Variants in SORCS2 observed in about 807,000 individuals in gnomAD.
The protein encoded by SORCS2 is sortilin related VPS10 domain containing receptor 2.
A neutral mutation model predicts 141.6 loss-of-function variants in SORCS2; 100 were observed. That is an observed-to-expected ratio of 0.71 (90% CI 0.60 to 0.83). The LOEUF (loss-of-function observed/expected upper bound fraction) is 0.83. Among genes scored for constraint, SORCS2 ranks in the 40% least tolerant of loss-of-function variants. The pLI, the probability that SORCS2 is intolerant of heterozygous loss-of-function variation, is 0.00. For synonymous variants in SORCS2, 789 were observed against 676.9 expected (o/e 1.17, Z -2.57); for missense variants, 1,646 against 1,560.2 (o/e 1.05, Z -0.93).
chr4:7,498,176 C>G (rs1232744996), intron 2 of SORCS2, among the ~76,000 whole-genome samples: 5 of 152,198 alleles, frequency 3.3e-5, no homozygotes, highest in South Asian at 4.1e-4. Flanking sequence ...CTAGTCCTCC[C>G]TTAGCCAGTG....
intron 2 of SORCS2, among the ~76,000 whole-genome samples, chr4:7,417,265 T>C (rs1725761914): frequency 6.6e-6 from 1 of 151,908 alleles, no homozygotes; most frequent in South Asian, 2.1e-4. Context: ...TTTATAAGGG[T>C]CCTTGTGGAG....
At chr4:7,210,382 C>G (rs183528448) in intron 1 of SORCS2, among the ~76,000 whole-genome samples, 1 of 152,246 alleles carries the variant, frequency 6.6e-6, no homozygotes, top group Non-Finnish European at 1.5e-5. Context: ...CCTGGGCTCA[C>G]GCCCTCCTCC....
At chr4:7,256,618 G>A (rs1394014112) in intron 1 of SORCS2, among the ~76,000 whole-genome samples, 4 of 151,654 alleles carry the variant, frequency 2.6e-5, no homozygotes, top group East Asian at 1.9e-4. Flanking sequence ...CCTCCGGCTC[G>A]GAGCCCGGGA....
At chr4:7,529,154 C>T (rs569463654) in intron 2 of SORCS2, among the ~76,000 whole-genome samples, 13 of 152,122 alleles carry the variant, frequency 8.5e-5, no homozygotes, top group Admixed American at 2.0e-4. Flanking sequence ...TACTCAAGCC[C>T]GTCCAAATGC....
In SORCS2 at chr4:7,733,584, G is replaced by A. The variant is rs2285774; in HGVS notation, c.3208+163G>A. On this transcript the variant is annotated intron_variant, in intron 24 of 26. Coordinates refer to ENST00000507866, the MANE Select transcript of SORCS2 (RefSeq NM_020777.3). ...ACCCACCCAGGTCAGACGCAGGACC[G>A]CGCTCTCCCTCTGCGGATGCCCCAT... Among the ~76,000 whole-genome samples the A allele has an allele frequency of 3.9e-5, 6 of 152,086 alleles. No individual in the cohort carries two copies. The East Asian group carries it at 9.8e-4, about 25-fold the overall frequency.
Position 7,724,631 on chromosome 4 carries a change from TGGTGATGGTGGA to T in SORCS2, c.2612-511_2612-500del, listed in dbSNP as rs1465285353. ...ATAGTGCTGGTGAGGATGGTGATGG[TGGTGATGGTGGA>T]GGTGATGGTGGTAGTTATGGTGATA... On this transcript the variant is annotated intron_variant, in intron 19 of 26. Coordinates refer to ENST00000507866, the MANE Select transcript of SORCS2 (RefSeq NM_020777.3). Among the ~76,000 whole-genome samples the T allele has an allele frequency of 7.6e-5, 11 of 145,268 alleles. 1 individual carries two copies. The highest frequency in any genetic ancestry group is 2.4e-4 in the African/African-American group (9 of 37,452).
At chr4:7,654,846 C>G (rs1343268834) in intron 5 of SORCS2, among the ~76,000 whole-genome samples, 9 of 152,178 alleles carry the variant, frequency 5.9e-5, no homozygotes, top group African/African-American at 2.2e-4. Flanking sequence ...AGGCTCCTGT[C>G]CCAGGCAGAG....
chr4:7,357,691 T>C (rs573852835), intron 1 of SORCS2, among the ~76,000 whole-genome samples: 91 of 152,168 alleles, frequency 6.0e-4, no homozygotes, highest in African/African-American at 1.9e-3. Flanking sequence ...CTTTCTTGGT[T>C]GAGAGGAGAG....
intron 3 of SORCS2, among the ~76,000 whole-genome samples, chr4:7,544,899 C>T (rs966014063): frequency 1.3e-5 from 2 of 152,140 alleles, no homozygotes; most frequent in African/African-American, 4.8e-5. Flanking sequence ...AGTGTGGAGC[C>T]CTGAGGAGGG....
At chr4:7,610,333 G>A (rs568541028) in intron 3 of SORCS2, among the ~76,000 whole-genome samples, 1 of 152,262 alleles carries the variant, frequency 6.6e-6, no homozygotes, top group South Asian at 2.1e-4. Context: ...TGAGGGACGA[G>A]GATGTGGGCT....
chr4:7,427,359 C>A (rs1356882922), intron 2 of SORCS2, among the ~76,000 whole-genome samples: 1 of 152,166 alleles, frequency 6.6e-6, no homozygotes, highest in Non-Finnish European at 1.5e-5. Flanking sequence ...CGGGCAAGAG[C>A]ACTGTCCCTC....
chr4:7,740,182 G>A lies in SORCS2; in HGVS notation c.3416-18G>A, dbSNP rs556148869. ...CCGGGCTTGTGCTCACGGGACCTGC[G>A]TCTCTTCTGTTTCCTAGGCAACCAC... On this transcript the variant is annotated intron_variant, in intron 26 of 26. Transcript: ENST00000507866. 22 of 1,602,268 alleles carry A rather than the reference G, an allele frequency of 1.4e-5. No homozygotes were observed. Among genetic ancestry groups the A allele is most frequent in the Middle Eastern group, 1.7e-4 (1 of 6,052 alleles).
chr4:7,655,013 C>A (rs1376456032), intron 5 of SORCS2, among the ~76,000 whole-genome samples: 1 of 152,188 alleles, frequency 6.6e-6, no homozygotes, highest in Non-Finnish European at 1.5e-5. Flanking sequence ...TCTATGAGGG[C>A]TGTGGAGGAT....
intron 2 of SORCS2, among the ~76,000 whole-genome samples, chr4:7,400,335 C>G (rs1178995819): frequency 6.6e-6 from 1 of 152,182 alleles, no homozygotes; most frequent in Non-Finnish European, 1.5e-5. Flanking sequence ...TCCTGCCCCC[C>G]ATTCAGTCTC....
intron 2 of SORCS2, among the ~76,000 whole-genome samples, chr4:7,516,236 G>T (rs1207173281): frequency 6.6e-6 from 1 of 152,154 alleles, no homozygotes; most frequent in Non-Finnish European, 1.5e-5. Context: ...GATGAGACAG[G>T]CGTCACAGGT....
intron 1 of SORCS2, among the ~76,000 whole-genome samples, chr4:7,319,031 T>G (rs964359134): frequency 1.3e-5 from 2 of 152,336 alleles, no homozygotes; most frequent in South Asian, 2.1e-4. Flanking sequence ...ATAATGCATT[T>G]GCAATTCATC....
chr4:7,507,968 A>T (rs1483203235), intron 2 of SORCS2, among the ~76,000 whole-genome samples: 1 of 149,380 alleles, frequency 6.7e-6, no homozygotes, highest in Non-Finnish European at 1.5e-5. Flanking sequence ...CACTTTTGAG[A>T]TGTAAAATGT....
At chr4:7,502,081 G>T (rs1049327434) in intron 2 of SORCS2, among the ~76,000 whole-genome samples, 3 of 152,214 alleles carry the variant, frequency 2.0e-5, no homozygotes, top group Non-Finnish European at 2.9e-5. Flanking sequence ...CAGGCAGGGA[G>T]GGGAGGGCGT....
intron 3 of SORCS2, among the ~76,000 whole-genome samples, chr4:7,637,753 A>G (rs538352831): frequency 2.0e-5 from 3 of 152,084 alleles, no homozygotes; most frequent in Admixed American, 2.0e-4. Context: ...GGATGGCTAC[A>G]GTTAGGCTGA....
Sources: allele counts gnomAD v4.1 joint callset (sites outside exome capture counted in the v4.1 genomes callset), GRCh38; gene constraint gnomAD v4.1.1; transcripts MANE v1.5; gene names NCBI Gene and HGNC (gene_info 2026-07-23, HGNC 2026-07-21).